The following NF1 variants were observed in gnomAD, a reference collection of about 807,000 sequenced individuals.
NF1 encodes neurofibromin 1.
Under a neutral mutation model 325.7 loss-of-function variants are expected in NF1, and 122 were observed. The observed-to-expected ratio is 0.37, with a 90% CI of 0.32 to 0.44. NF1 has a LOEUF of 0.44. Among genes scored for constraint, NF1 ranks in the 20% least tolerant of loss-of-function variants. The pLI is 1.00. For missense variants in NF1, 2,140 were observed against 3,415.4 expected, an observed-to-expected ratio of 0.63 and a Z score of 9.31; for synonymous variants, 1,091 against 1,186.0, an observed-to-expected ratio of 0.92 and a Z score of 1.65.
chr17:31,178,837 C>T (rs1019648158), intron 5 of NF1, among the ~76,000 whole-genome samples: 1 of 152,076 alleles, frequency 6.6e-6, no homozygotes, highest in African/African-American at 2.4e-5. Context: ...TATATGCACC[C>T]AATACAGGAA....
chr17:31,216,149 A>G (rs1357152957), intron 13 of NF1, among the ~76,000 whole-genome samples: 1 of 152,184 alleles, frequency 6.6e-6, no homozygotes, highest in African/African-American at 2.4e-5. Context: ...GTTACAAGCT[A>G]TTTGTGGCAT....
At chr17:31,119,865 G>T (rs1018621959) in intron 1 of NF1, among the ~76,000 whole-genome samples, 5 of 152,164 alleles carry the variant, frequency 3.3e-5, no homozygotes, top group African/African-American at 1.2e-4. Flanking sequence ...ATTAAATAGG[G>T]AATCCTTTCC....
chr17:31,295,271 G>C, intron 36 of NF1: 1 of 1,614,140 alleles, frequency 6.2e-7, no homozygotes, highest in Non-Finnish European at 8.5e-7. Flanking sequence ...GAGATGAATA[G>C]TTAGAGTTGC....
intron 36 of NF1, among the ~76,000 whole-genome samples, chr17:31,323,667 G>C (rs1465966039): frequency 2.0e-5 from 3 of 152,124 alleles, no homozygotes; most frequent in African/African-American, 4.8e-5. Context: ...CTCCATTCTG[G>C]CTAGACTAGC....
intron 5 of NF1, among the ~76,000 whole-genome samples, chr17:31,172,873 C>T (rs2065953901): frequency 6.6e-6 from 1 of 152,166 alleles, no homozygotes; most frequent in Non-Finnish European, 1.5e-5. Flanking sequence ...TAGAGGGTTA[C>T]CTGAACTTCT....
intron 44 of NF1, 36 bp downstream of exon 44, chr17:31,337,916 G>A (rs970853662): frequency 6.3e-7 from 1 of 1,586,642 alleles, no homozygotes; most frequent in Admixed American, 1.7e-5. Flanking sequence ...GTAAAAATAT[G>A]CATATTGTTG....
At chr17:31,361,221 C>T (rs927068073) in intron 57 of NF1, 1 of 151,868 alleles carries the variant, frequency 6.6e-6, no homozygotes, top group Non-Finnish European at 1.4e-5. Context: ...AATAATCAAA[C>T]AAAAAATTCA....
chr17:31,337,701 C>A, intron 43 of NF1, 118 bp from the exon 44 acceptor site: 1 of 1,393,664 alleles, frequency 7.2e-7, no homozygotes, highest in Non-Finnish European at 1.0e-6. Flanking sequence ...TAAATAAAAA[C>A]ACTTGCATGG....
intron 8 of NF1, among the ~76,000 whole-genome samples, chr17:31,198,141 A>G (rs1473422444): frequency 1.3e-5 from 2 of 151,964 alleles, no homozygotes; most frequent in African/African-American, 4.8e-5. Flanking sequence ...TCCTGGAGTA[A>G]GTTTCACTTG....
intron 13 of NF1, among the ~76,000 whole-genome samples, chr17:31,216,746 C>G (rs2066825865): frequency 6.6e-6 from 1 of 152,110 alleles, no homozygotes; most frequent in Admixed American, 6.5e-5. Flanking sequence ...AATCTTTCTC[C>G]CATCTACCAT....
rs765595990 is a variant in NF1 at position 31,182,596 on chromosome 17, C to T, written c.819C>T (p.Leu273=). 1.2e-5 allele frequency: 19 copies of T among 1,613,994 alleles called. No homozygotes were observed. Among genetic ancestry groups the T allele is most frequent in the East Asian group, 2.2e-5 (1 of 44,866 alleles). The change falls in exon 8 of 58, where the codon CTC becomes CTT. Residue 273 remains leucine (L), a synonymous_variant. Transcript: ENST00000358273. ...CAGTTTGGCCACTACAAATCATTCT[C>T]CTTATCTTGTGTCCAGAAATAATCC... The part of the protein sequence containing the change: ...KAAVWPLQII[L]LILCPEIIQD...
intron 5 of NF1, among the ~76,000 whole-genome samples, chr17:31,172,343 GTC>G (rs796775493): frequency 1.4e-5 from 2 of 142,966 alleles, no homozygotes; most frequent in Non-Finnish European, 3.1e-5. Context: ...CTGTCTCTCT[GTC>G]TCTCTGTCTC....
intron 1 of NF1, among the ~76,000 whole-genome samples, chr17:31,097,765 C>T (rs569661630): frequency 6.4e-4 from 98 of 152,054 alleles, no homozygotes; most frequent in South Asian, 1.2e-3. Flanking sequence ...AGCTTGATGT[C>T]GGTTCATTGC....
chr17:31,213,459 T>C (rs1297770493), intron 12 of NF1, among the ~76,000 whole-genome samples: 1 of 152,214 alleles, frequency 6.6e-6, no homozygotes, highest in East Asian at 1.9e-4. Flanking sequence ...GTCTGCTTCT[T>C]AACTTTGAAA....
intron 5 of NF1, among the ~76,000 whole-genome samples, chr17:31,176,825 T>G (rs561995954): frequency 6.6e-6 from 1 of 152,234 alleles, no homozygotes; most frequent in Admixed American, 6.5e-5. Flanking sequence ...TGTAGATGTG[T>G]GGTGTTATTT....
At chr17:31,367,149 T>G in intron 57 of NF1, 1 of 816,490 alleles carries the variant, frequency 1.2e-6, no homozygotes, top group South Asian at 1.5e-5. Context: ...TTATCTAGTA[T>G]CTAATTGTAT....
At chr17:31,324,500 G>A (rs999651375) in intron 36 of NF1, among the ~76,000 whole-genome samples, 2 of 152,192 alleles carry the variant, frequency 1.3e-5, no homozygotes, top group African/African-American at 4.8e-5. Flanking sequence ...TTATTAACTA[G>A]TCACCTTACT....
rs1244145777 is a variant in NF1 at position 31,318,391 on chromosome 17, A to G, written c.4836-7429A>G. 5.0e-6 allele frequency: 8 copies of G among 1,613,828 alleles called. No individual in the cohort carries two copies. The highest frequency in any genetic ancestry group is 4.0e-5 in the African/African-American group (3 of 74,852). ...TGTGAGCACTCCAGTAGATTGCATC[A>G]CTAGGTTGGGTCCTGTGAGCTGTTT... On this transcript the variant is annotated intron_variant, in intron 36 of 57. Coordinates refer to ENST00000358273, the MANE Select transcript of NF1 (RefSeq NM_001042492.3).
intron 31 of NF1, chr17:31,253,227 C>CATTTGTA: frequency 2.0e-6 from 1 of 498,608 alleles, no homozygotes; most frequent in Middle Eastern, 5.5e-4. Flanking sequence ...AATTTGTGGG[C>CATTTGTA]ATTTGTTGCA....
Sources: gnomAD v4.1 joint callset for allele counts (sites outside exome capture counted in the v4.1 genomes callset) on GRCh38, gnomAD v4.1.1 for gene constraint, MANE v1.5 for transcripts, NCBI Gene and HGNC (gene_info 2026-07-23, HGNC 2026-07-21) for gene names.